ADAMTS2: variants seen among roughly 807,000 people sequenced by gnomAD.
ADAMTS2 encodes the protein ADAM metallopeptidase with thrombospondin type 1 motif 2.
ADAMTS2 carries 50 observed loss-of-function variants against 123.0 expected under a neutral mutation model. The ratio of observed to expected loss-of-function variants is 0.41; its 90% confidence interval spans 0.32 to 0.51. ADAMTS2 has a LOEUF of 0.51. Ranked by LOEUF, ADAMTS2 falls within the 20% of genes least tolerant of loss-of-function variation. ADAMTS2 has a pLI of 0.35. For synonymous variants in ADAMTS2, 678 were observed against 695.4 expected, an observed-to-expected ratio of 0.98 and a Z score of 0.39; for missense variants, 1,494 against 1,705.2, an observed-to-expected ratio of 0.88 and a Z score of 2.18.
intron 3 of ADAMTS2, among the ~76,000 whole-genome samples, chr5:179,226,143 A>T (rs774169260): frequency 6.6e-6 from 1 of 152,172 alleles, no homozygotes; most frequent in African/African-American, 2.4e-5. Flanking sequence ...TCTCATTTCA[A>T]TATGAGGGGA....
chr5:179,257,559 C>G (rs1446413807), intron 3 of ADAMTS2, among the ~76,000 whole-genome samples: 2 of 152,240 alleles, frequency 1.3e-5, no homozygotes, highest in Non-Finnish European at 2.9e-5. Context: ...CCTGCGCCCT[C>G]CCCGCTGCTG....
chr5:179,293,405 G>C (rs1756242776), intron 2 of ADAMTS2, among the ~76,000 whole-genome samples: 1 of 152,242 alleles, frequency 6.6e-6, no homozygotes, highest in South Asian at 2.1e-4. Context: ...TATTTTCCCT[G>C]CTAACTGCAG....
chr5:179,344,313 C>T, intron 1 of ADAMTS2, 152 bp from the exon 2 acceptor site: 4 of 1,039,818 alleles, frequency 3.8e-6, no homozygotes, highest in Non-Finnish European at 5.5e-6. Context: ...TGCACCTCCC[C>T]GGCTTTCCTG....
At chr5:179,223,438 GCACTCACACACGCA>G (rs1229533282) in intron 3 of ADAMTS2, among the ~76,000 whole-genome samples, 6 of 138,816 alleles carry the variant, frequency 4.3e-5, no homozygotes, top group African/African-American at 1.4e-4. Flanking sequence ...TCACACGAAC[GCACTCACACACGCA>G]CACTCACACA....
At chr5:179,207,470 GA>G in intron 4 of ADAMTS2, 42 bp downstream of exon 4, 1 of 1,323,550 alleles carries the variant, frequency 7.6e-7, no homozygotes. Context: ...GCCCCTGGTT[GA>G]CCCTCCCCGC....
intron 5 of ADAMTS2, among the ~76,000 whole-genome samples, chr5:179,174,707 T>C (rs1196479294): frequency 6.6e-6 from 1 of 152,282 alleles, no homozygotes; most frequent in Non-Finnish European, 1.5e-5. Context: ...TTTAATTATC[T>C]TCACTTTACA....
Position 179,307,192 on chromosome 5 carries a change from G to GGCCCACGCGCCCCT in ADAMTS2, c.535-34142_535-34129dup, listed in dbSNP as rs1756700946. Among the ~76,000 whole-genome samples the GGCCCACGCGCCCCT allele has an allele frequency of 6.6e-6, 1 of 152,146 alleles. No homozygotes were observed. The highest frequency in any genetic ancestry group is 2.1e-4 in the South Asian group (1 of 4,820). ...GGGGCCCGCACTGCAGAGCTGCCCC[G>GGCCCACGCGCCCCT]GCCCACGCGCCCCTGCCCTGCTGTG... On this transcript the variant is annotated intron_variant, in intron 2 of 21. Transcript: ENST00000251582. The surrounding 1 kb of genome is among the most constrained non-coding windows in gnomAD (Gnocchi z 5.6).
chr5:179,327,447 C>A (rs1399208295), intron 2 of ADAMTS2, among the ~76,000 whole-genome samples: 2 of 152,280 alleles, frequency 1.3e-5, no homozygotes, highest in Middle Eastern at 3.4e-3. Context: ...TGCCAGCCTG[C>A]AAACAACCCT....
At position 179,253,291 on chromosome 5, in the gene ADAMTS2, G is replaced by C. The variant is rs1411488813; in HGVS notation, c.688+19620C>G. Among the ~76,000 whole-genome samples the C allele has an allele frequency of 2.0e-5, 3 of 152,022 alleles. No individual in the cohort carries two copies. In the South Asian group the frequency reaches 6.3e-4, roughly 32 times the overall value. On this transcript the variant is annotated intron_variant, in intron 3 of 21. Transcript: ENST00000251582. ...GCTTGTTTCTCCCATCTTACTCTAT[G>C]ATCTCAATTTGTCTTGGTTTTTCTG... is the stretch of plus-strand genomic sequence containing the variant.
chr5:179,126,273 C>A, intron 17 of ADAMTS2, 143 bp from the exon 18 acceptor site: 2 of 1,246,720 alleles, frequency 1.6e-6, no homozygotes, highest in African/African-American at 1.5e-5. Flanking sequence ...GGGCACCGAG[C>A]CTGCGGCTGG....
rs572646841 is a variant in ADAMTS2, at chr5:179,137,719, C to A, written c.1951+50G>T. The A allele has an allele frequency of 2.6e-6, 4 of 1,511,280 alleles. No homozygotes were observed. The South Asian group carries it at 3.6e-5, about 14-fold the overall frequency. The allele number at this position is 1,511,280 out of a possible 1,614,324, so 93.6% of individuals were successfully genotyped here. A position where few individuals can be genotyped will look rare whatever the true frequency, so the allele number is the denominator to read the frequency against. On this transcript the variant is annotated intron_variant, in intron 12 of 21. Coordinates refer to ENST00000251582, the MANE Select transcript of ADAMTS2 (RefSeq NM_014244.5). Reference sequence around the variant, plus strand: ...AGGCACAAGCCCCCACCCTGCCCACCCTAGGGCCTGCCTGCTGAGCCCCCA... The same window carrying A: ...AGGCACAAGCCCCCACCCTGCCCACACTAGGGCCTGCCTGCTGAGCCCCCA...
intron 4 of ADAMTS2, among the ~76,000 whole-genome samples, chr5:179,206,157 G>C (rs1764687348): frequency 6.6e-6 from 1 of 152,242 alleles, no homozygotes; most frequent in African/African-American, 2.4e-5. Context: ...CGATGCAGCG[G>C]ACTTCGGCCC....
chr5:179,220,537 C>T (rs900921111), intron 3 of ADAMTS2, among the ~76,000 whole-genome samples: 3 of 152,312 alleles, frequency 2.0e-5, no homozygotes, highest in African/African-American at 7.2e-5. Context: ...CCAGCTGCAT[C>T]GTCCACCTAG....
At chr5:179,157,248 C>G (rs1763491130) in intron 6 of ADAMTS2, among the ~76,000 whole-genome samples, 1 of 152,144 alleles carries the variant, frequency 6.6e-6, no homozygotes, top group South Asian at 2.1e-4. Flanking sequence ...CCACACCCAG[C>G]CAATTTCACA....
chr5:179,233,204 C>G (rs189775611), intron 3 of ADAMTS2, among the ~76,000 whole-genome samples: 23 of 152,340 alleles, frequency 1.5e-4, no homozygotes, highest in African/African-American at 5.3e-4. Flanking sequence ...TAAAAAACTT[C>G]TGTGTCTGTG....
Position 179,126,087 on chromosome 5 carries a change from G to A in ADAMTS2, c.2661C>T (p.His887=), listed in dbSNP as rs1425874397. The change falls in exon 18 of 22, where the codon CAC becomes CAT. Residue 887 remains histidine, a synonymous_variant. Transcript: ENST00000251582. ...TKYGCRRRLD[H]KMVHRGFCAA... ...CACAGAAGCCACGGTGTACCATCTT[G>A]TGGTCCAGCCTCCGGCGGCAGCCAT... 1.8e-5 allele frequency: 29 copies of A among 1,613,072 alleles called. No homozygotes were observed. Among genetic ancestry groups the A allele is most frequent in the Non-Finnish European group, 2.5e-5 (29 of 1,180,030 alleles).
At position 179,295,342 on chromosome 5, in the gene ADAMTS2, G is replaced by T. The variant is rs528874864; in HGVS notation, c.535-22278C>A. On this transcript the variant is annotated intron_variant, in intron 2 of 21. Coordinates refer to ENST00000251582, the MANE Select transcript of ADAMTS2 (RefSeq NM_014244.5). Reference sequence around the variant, plus strand: ...CCTGGCTCTCCCTGGGTGAAGGGGGGCACCGACAGGAAACCAGGGCTGGGG... The same window carrying T: ...CCTGGCTCTCCCTGGGTGAAGGGGGTCACCGACAGGAAACCAGGGCTGGGG... Among the ~76,000 whole-genome samples, 34 of 152,314 alleles carry T rather than the reference G, an allele frequency of 2.2e-4. No homozygotes were observed. The East Asian group carries it at 6.4e-3, about 29-fold the overall frequency.
At chr5:179,172,148 C>T (rs1304228928) in intron 5 of ADAMTS2, among the ~76,000 whole-genome samples, 2 of 152,364 alleles carry the variant, frequency 1.3e-5, no homozygotes, top group South Asian at 4.1e-4. Context: ...TATGTCCTCT[C>T]TGTTCTCTTT....
rs1764787644 is a variant in ADAMTS2 at position 179,209,056 on chromosome 5, G to A, written c.689-1341C>T. Among the ~76,000 whole-genome samples, 3 of 152,226 alleles carry A rather than the reference G, an allele frequency of 2.0e-5. No individual in the cohort carries two copies. In the South Asian group the frequency reaches 6.2e-4, roughly 31 times the overall value. The stretch of plus-strand genomic sequence containing the variant: ...GCAGGGACAGGCACTCCCTCCCTGT[G>A]AGGGTGGCCCAGGACAGGCCCTGGA... On this transcript the variant is annotated intron_variant, in intron 3 of 21. Transcript: ENST00000251582.
Sources: allele counts gnomAD v4.1 joint callset (sites outside exome capture counted in the v4.1 genomes callset), GRCh38; gene constraint gnomAD v4.1.1; non-coding constraint Gnocchi (gnomAD v3.1); transcripts MANE v1.5; gene names NCBI Gene and HGNC (gene_info 2026-07-23, HGNC 2026-07-21).